The following ZFHX3 variants were observed in gnomAD, a reference collection of about 807,000 sequenced individuals.
ZFHX3 encodes zinc finger homeobox protein 3.
In ZFHX3, 42 loss-of-function variants were observed where a neutral mutation model predicts 279.1. That is an observed-to-expected ratio of 0.15 (90% CI 0.12 to 0.19). The LOEUF is 0.19. ZFHX3 is among the 10% of genes least tolerant of loss of function. The pLI, the probability that ZFHX3 is intolerant of heterozygous loss-of-function variation, is 1.00. For synonymous variants in ZFHX3, 2,293 were observed against 1,957.8 expected (o/e 1.17, Z -4.52); for missense variants, 4,981 against 4,754.0 (o/e 1.05, Z -1.40).
At chr16:73,414,102 C>T (rs1349880114) in intron 3 of ZFHX3, among the ~76,000 whole-genome samples, 1 of 152,234 alleles carries the variant, frequency 6.6e-6, no homozygotes, top group African/African-American at 2.4e-5. Flanking sequence ...TGAATAATAT[C>T]TACTAACCTT....
chr16:73,613,528 C>A (rs2052268657), intron 2 of ZFHX3, among the ~76,000 whole-genome samples: 1 of 151,660 alleles, frequency 6.6e-6, no homozygotes, highest in African/African-American at 2.4e-5. Context: ...GTGGAAGTTT[C>A]TAGAAGCAGG....
intron 2 of ZFHX3, among the ~76,000 whole-genome samples, chr16:73,615,840 T>C (rs1012660803): frequency 1.3e-5 from 2 of 152,164 alleles, no homozygotes; most frequent in Non-Finnish European, 2.9e-5. Context: ...CGGAACAAAT[T>C]GTAACCGTTC....
intron 2 of ZFHX3, among the ~76,000 whole-genome samples, chr16:73,571,339 C>G (rs2051732459): frequency 6.6e-6 from 1 of 151,978 alleles, no homozygotes. Context: ...AAGCTTAGTT[C>G]TTTTGTGCTA....
intron 2 of ZFHX3, among the ~76,000 whole-genome samples, chr16:73,595,457 C>T (rs1261122937): frequency 6.6e-6 from 1 of 152,100 alleles, no homozygotes; most frequent in Non-Finnish European, 1.5e-5. Flanking sequence ...TCCATGACTC[C>T]TTTTTTTCTC....
intron 3 of ZFHX3, among the ~76,000 whole-genome samples, chr16:72,907,819 G>T (rs1328162630): frequency 1.3e-5 from 2 of 151,774 alleles, no homozygotes; most frequent in Admixed American, 6.6e-5. Context: ...GAGTAGCTGG[G>T]ACCACAGGCC....
chr16:73,225,121 A>C (rs2012552169), intron 5 of ZFHX3, among the ~76,000 whole-genome samples: 2 of 152,176 alleles, frequency 1.3e-5, no homozygotes, highest in Admixed American at 1.3e-4. Flanking sequence ...ATACATGTTA[A>C]AATTAAAAAA....
intron 3 of ZFHX3, among the ~76,000 whole-genome samples, chr16:73,358,043 A>T (rs1374623717): frequency 1.3e-5 from 2 of 151,820 alleles, no homozygotes; most frequent in African/African-American, 4.8e-5. Context: ...GCCTCCCACC[A>T]TTTCCTCCCT....
chr16:73,121,562 C>A (rs1190298641), intron 7 of ZFHX3, among the ~76,000 whole-genome samples: 2 of 151,978 alleles, frequency 1.3e-5, no homozygotes, highest in African/African-American at 4.8e-5. Flanking sequence ...TAACATCTTT[C>A]ATGATATGTT....
intron 2 of ZFHX3, among the ~76,000 whole-genome samples, chr16:73,461,462 T>C (rs1379444248): frequency 1.3e-5 from 2 of 152,222 alleles, no homozygotes; most frequent in Admixed American, 6.5e-5. Context: ...AAATCTTTTG[T>C]AGTCCTAGAT....
chr16:73,589,578 A>C (rs1304023687), intron 2 of ZFHX3, among the ~76,000 whole-genome samples: 1 of 150,948 alleles, frequency 6.6e-6, no homozygotes, highest in Non-Finnish European at 1.5e-5. Context: ...AAAAACACAA[A>C]AATTAGCTGG....
intron 5 of ZFHX3, among the ~76,000 whole-genome samples, chr16:73,240,470 C>T (rs566247472): frequency 9.2e-5 from 14 of 152,252 alleles, no homozygotes; most frequent in South Asian, 4.1e-4. Context: ...CTGCCCACCT[C>T]GGCCTCTCAA....
At chr16:72,917,152 G>A (rs1362113194) in intron 3 of ZFHX3, among the ~76,000 whole-genome samples, 2 of 152,050 alleles carry the variant, frequency 1.3e-5, no homozygotes, top group African/African-American at 4.8e-5. Flanking sequence ...GAGGTGGAAG[G>A]ATTACTTGAT....
intron 2 of ZFHX3, among the ~76,000 whole-genome samples, chr16:72,951,241 T>C (rs1960982721): frequency 1.3e-5 from 2 of 152,136 alleles, no homozygotes; most frequent in Admixed American, 1.3e-4. Flanking sequence ...TTAGGAGCCA[T>C]AGCCTCTTTA....
chr16:73,016,500 A>C (rs561514177), intron 1 of ZFHX3, among the ~76,000 whole-genome samples: 1 of 152,208 alleles, frequency 6.6e-6, no homozygotes, highest in East Asian at 1.9e-4. Flanking sequence ...TTCAAGCAAA[A>C]CTGGTTTCTA....
intron 1 of ZFHX3, among the ~76,000 whole-genome samples, chr16:72,998,791 T>C (rs1037662952): frequency 6.6e-6 from 1 of 152,188 alleles, no homozygotes; most frequent in Non-Finnish European, 1.5e-5. Context: ...ACAATTATAT[T>C]TGGGTGACAT....
chr16:73,848,624 T>A (rs1262564426), intron 1 of ZFHX3, among the ~76,000 whole-genome samples: 5 of 152,220 alleles, frequency 3.3e-5, no homozygotes, highest in African/African-American at 1.2e-4. Flanking sequence ...TCATATACAT[T>A]AGGAATTTTT....
chr16:73,583,164 T>C (rs1479398167), intron 2 of ZFHX3, among the ~76,000 whole-genome samples: 1 of 152,186 alleles, frequency 6.6e-6, no homozygotes, highest in Non-Finnish European at 1.5e-5. Flanking sequence ...TCTGGGCCAA[T>C]CAGGTTCCTT....
exon 1 of ZFHX3, chr16:73,891,738 T>TTCCCTCTCTC (rs1166535922): frequency 1.4e-5 from 2 of 141,862 alleles, no homozygotes; most frequent in Admixed American, 1.4e-4. Flanking sequence ...GGGTTTTTAG[T>TTCCCTCTCTC]TCTCTCTCTC....
At chr16:73,637,107 A>G (rs940983406) in intron 2 of ZFHX3, among the ~76,000 whole-genome samples, 1 of 152,100 alleles carries the variant, frequency 6.6e-6, no homozygotes, top group African/African-American at 2.4e-5. Flanking sequence ...TATATATAAG[A>G]ATTTGTATAA....
Sources: allele counts gnomAD v4.1 joint callset (sites outside exome capture counted in the v4.1 genomes callset), GRCh38; gene constraint gnomAD v4.1.1; transcripts MANE v1.5; gene names NCBI Gene and HGNC (gene_info 2026-07-23, HGNC 2026-07-21).